The following COL4A6 variants were observed in gnomAD, a reference collection of about 807,000 sequenced individuals.
COL4A6 encodes the protein collagen alpha-6(IV) chain.
A neutral mutation model predicts 126.7 loss-of-function variants in COL4A6; 59 were observed. The observed-to-expected ratio is 0.47, with a 90% confidence interval of 0.38 to 0.58. The LOEUF is 0.58. COL4A6 is among the 20% of genes least tolerant of loss of function. The pLI, the probability that COL4A6 is intolerant of heterozygous loss-of-function variation, is 0.00. For synonymous variants in COL4A6, 547 were observed against 496.6 expected (o/e 1.10, Z -1.35); for missense variants, 1,285 against 1,337.3 (o/e 0.96, Z 0.61).
chrX:108,437,014 T>C (rs2064280541), intron 2 of COL4A6, among the ~76,000 whole-genome samples: 1 of 111,714 alleles, frequency 9.0e-6, no homozygotes, highest in Admixed American at 9.5e-5. Flanking sequence ...ATATAGGGAA[T>C]GGCTTTGGGT....
chrX:108,391,175 A>G (rs2040829943), intron 2 of COL4A6, among the ~76,000 whole-genome samples: 1 of 111,438 alleles, frequency 9.0e-6, no homozygotes, highest in Admixed American at 9.5e-5. Context: ...ACAAGGGTGA[A>G]GGGCCCACTT....
intron 5 of COL4A6, 33 bp downstream of exon 5, chrX:108,219,665 G>A (rs768558557): frequency 1.7e-6 from 2 of 1,178,297 alleles, no homozygotes; most frequent in Admixed American, 2.2e-5. Flanking sequence ...ACCTAAAGGA[G>A]GATATGAAAA....
chrX:108,428,910 G>T (rs1216791987), intron 2 of COL4A6, among the ~76,000 whole-genome samples: 1 of 111,886 alleles, frequency 8.9e-6, no homozygotes, highest in Non-Finnish European at 1.9e-5. Context: ...TATCCAAAAT[G>T]AAATATGTGC....
At chrX:108,333,552 G>A (rs1320849126) in intron 2 of COL4A6, among the ~76,000 whole-genome samples, 1 of 110,891 alleles carries the variant, frequency 9.0e-6, no homozygotes, top group Non-Finnish European at 1.9e-5. Flanking sequence ...ACATAGTACT[G>A]GAAGTCCTAG....
chrX:108,194,955 CA>C (rs967759039), intron 15 of COL4A6, 126 bp downstream of exon 15: 177 of 542,433 alleles, frequency 3.3e-4, no homozygotes, highest in Middle Eastern at 7.3e-4. Context: ...AAGATTATAC[CA>C]AAAAAAAGGG....
At chrX:108,434,722 T>C (rs1378756769) in intron 2 of COL4A6, among the ~76,000 whole-genome samples, 1 of 108,513 alleles carries the variant, frequency 9.2e-6, no homozygotes, top group Non-Finnish European at 1.9e-5. Flanking sequence ...ATTTACTTAA[T>C]AGTGTACTCA....
chrX:108,422,324 C>G (rs1369548364), intron 2 of COL4A6, among the ~76,000 whole-genome samples: 2 of 111,438 alleles, frequency 1.8e-5, no homozygotes, highest in African/African-American at 6.5e-5. Flanking sequence ...TATGATTATG[C>G]CACTTCACTC....
intron 2 of COL4A6, among the ~76,000 whole-genome samples, chrX:108,386,795 C>G (rs1443355697): frequency 8.9e-6 from 1 of 111,865 alleles, no homozygotes; most frequent in African/African-American, 3.3e-5. Context: ...TTGCCCATGC[C>G]TATGCTCTGA....
At chrX:108,321,046 T>C (rs949888306) in intron 2 of COL4A6, among the ~76,000 whole-genome samples, 2 of 112,048 alleles carry the variant, frequency 1.8e-5, no homozygotes, top group African/African-American at 6.5e-5. Context: ...AAAATAGGGA[T>C]ATTTTACTTT....
At chrX:108,170,760 T>G in intron 34 of COL4A6, 44 bp from the exon 35 acceptor site, 1 of 1,203,675 alleles carries the variant, frequency 8.3e-7, no homozygotes. Flanking sequence ...GGGCATGGCT[T>G]GAAGCTAATC....
intron 2 of COL4A6, among the ~76,000 whole-genome samples, chrX:108,425,422 A>C (rs1265180419): frequency 9.0e-6 from 1 of 110,720 alleles, no homozygotes; most frequent in Non-Finnish European, 1.9e-5. Flanking sequence ...AACAGAAATA[A>C]ACTGGAGATT....
chrX:108,212,004 T>C (rs770177752), intron 6 of COL4A6, among the ~76,000 whole-genome samples: 4 of 111,445 alleles, frequency 3.6e-5, no homozygotes, highest in Non-Finnish European at 7.5e-5. Flanking sequence ...AGTCAGATAC[T>C]TTACATCTAT....
In COL4A6 at chrX:108,188,089, A is replaced by G. The variant is rs192100794; in HGVS notation, c.1588-62T>C. 7,949 of 976,592 alleles carry G rather than the reference A, an allele frequency of 8.1e-3. 61 individuals are homozygous for G. The highest frequency in any genetic ancestry group is 0.053 in the South Asian group (2,175 of 40,917). 80.5% of individuals were successfully genotyped at this position (976,592 alleles called of 1,213,427 possible). On this transcript the variant is annotated intron_variant, in intron 21 of 44. Transcript: ENST00000334504. Reference sequence around the variant, plus strand: ...GATGTAGACTTCATAGAATTCCGGCACCTAGCATTATGACTTAGAGCAGAA... The same window carrying G: ...GATGTAGACTTCATAGAATTCCGGCGCCTAGCATTATGACTTAGAGCAGAA...
intron 5 of COL4A6, 24 bp downstream of exon 5, chrX:108,219,674 A>G: frequency 8.4e-7 from 1 of 1,196,625 alleles, no homozygotes; most frequent in East Asian, 3.0e-5. Flanking sequence ...AGGATATGAA[A>G]AATTCATCTG....
At position 108,170,591 on chromosome X, in the gene COL4A6, G is replaced by A; in HGVS notation, c.3493+18C>T. 8.6e-7 allele frequency: 1 copy of A among 1,163,984 alleles called. No homozygotes were observed. Among genetic ancestry groups the A allele is most frequent in the Non-Finnish European group, 1.2e-6 (1 of 856,360 alleles). ...AGGGAAAGACTTTTCCCCACTGCCT[G>A]CTCCCAAATACACATACCTTTGGGT... is the stretch of plus-strand genomic sequence containing the variant. On this transcript the variant is annotated intron_variant, in intron 35 of 44. Transcript: ENST00000334504.
intron 2 of COL4A6, among the ~76,000 whole-genome samples, chrX:108,436,375 T>G (rs1218808102): frequency 8.9e-6 from 1 of 112,570 alleles, no homozygotes; most frequent in Non-Finnish European, 1.9e-5. Flanking sequence ...AAAGTGGTTT[T>G]TAAAGGTATT....
intron 26 of COL4A6, 143 bp downstream of exon 26, chrX:108,179,074 A>C: frequency 2.8e-6 from 2 of 716,255 alleles, no homozygotes; most frequent in South Asian, 6.2e-5. Context: ...AAAATTTCAC[A>C]AAAGGGAGGG....
chrX:108,219,617 A>C, intron 5 of COL4A6, 81 bp downstream of exon 5: 1 of 856,586 alleles, frequency 1.2e-6, no homozygotes, highest in East Asian at 3.1e-5. Context: ...ATGAGACAGG[A>C]TGTTGCTGAG....
intron 7 of COL4A6, 59 bp from the exon 8 acceptor site, chrX:108,210,063 A>G (rs1259830737): frequency 9.1e-7 from 1 of 1,102,501 alleles, no homozygotes; most frequent in African/African-American, 1.8e-5. Flanking sequence ...AATATTTCAG[A>G]TAACTAACCT....
Sources: gnomAD v4.1 joint callset for allele counts (sites outside exome capture counted in the v4.1 genomes callset) on GRCh38, gnomAD v4.1.1 for gene constraint, MANE v1.5 for transcripts, NCBI Gene and HGNC (gene_info 2026-07-23, HGNC 2026-07-21) for gene names.